FADS2: variants seen among roughly 807,000 people sequenced by gnomAD.
FADS2 encodes the protein acyl-CoA 6-desaturase.
Under a neutral mutation model 61.2 loss-of-function variants are expected in FADS2, and 18 were observed. The observed-to-expected ratio is 0.29, with a 90% CI of 0.20 to 0.44. The LOEUF (loss-of-function observed/expected upper bound fraction) is 0.44, where lower values mean the gene tolerates loss of function less well. Among genes scored for constraint, FADS2 ranks in the 20% least tolerant of loss-of-function variants. The pLI, the probability that FADS2 is intolerant of heterozygous loss-of-function variation, is 1.00. For missense variants in FADS2, 322 were observed against 572.7 expected, an observed-to-expected ratio of 0.56 and a Z score of 4.47; for synonymous variants, 203 against 223.9, an observed-to-expected ratio of 0.91 and a Z score of 0.83.
chr11:61,842,881 G>A (rs2067227875), intron 4 of FADS2, among the ~76,000 whole-genome samples: 2 of 152,228 alleles, frequency 1.3e-5, no homozygotes, highest in Admixed American at 6.5e-5. Flanking sequence ...GTCCTCAAGG[G>A]CCTCGCCAAC....
In FADS2 at chr11:61,865,369, G is replaced by A. The variant is rs2067459441; in HGVS notation, c.1283+92G>A. On this transcript the variant is annotated intron_variant, in intron 11 of 11. Coordinates refer to ENST00000278840, the MANE Select transcript of FADS2 (RefSeq NM_004265.4). This position sits in a 1 kb window ranked among gnomAD's most constrained non-coding sequence, Gnocchi z 4.1. ...AGAGGGGCTGGGCCCTCCTGGCACA[G>A]TCACCCACCAGGGCACCTGCCTTAC... 5 of 1,483,892 alleles carry A rather than the reference G, an allele frequency of 3.4e-6. No homozygotes were observed. Among genetic ancestry groups the A allele is most frequent in the Middle Eastern group, 2.4e-4 (1 of 4,108 alleles). 91.9% of individuals were successfully genotyped at this position (1,483,892 alleles called of 1,614,324 possible).
Position 61,840,366 on chromosome 11 carries a change from G to A in FADS2, c.351G>A (p.Arg117=). The A allele has an allele frequency of 1.2e-6, 2 of 1,614,220 alleles. No homozygotes were observed. Among genetic ancestry groups the A allele is most frequent in the Non-Finnish European group, 1.7e-6 (2 of 1,180,038 alleles). The change falls in exon 3 of 12, where the codon AGG becomes AGA. Residue 117 remains arginine, a synonymous_variant. Coordinates refer to ENST00000278840, the MANE Select transcript of FADS2 (RefSeq NM_004265.4). Reference sequence around the variant, plus strand: ...TCACTGAGGACTTCCGGGCCCTGAGGAAGACGGCTGAGGACATGAACCTGT... The same window carrying A: ...TCACTGAGGACTTCCGGGCCCTGAGAAAGACGGCTGAGGACATGAACCTGT... ...SKITEDFRAL[R]KTAEDMNLFK...
chr11:61,836,900 G>T (rs1254936829), intron 1 of FADS2, among the ~76,000 whole-genome samples: 2 of 152,210 alleles, frequency 1.3e-5, no homozygotes, highest in Non-Finnish European at 2.9e-5. Flanking sequence ...CCTCAGGGGA[G>T]CCTGGTGCTG....
At position 61,865,546 on chromosome 11, in the gene FADS2, A is replaced by G; in HGVS notation, c.1284-92A>G. The G allele has an allele frequency of 2.4e-6, 3 of 1,229,348 alleles. No individual in the cohort carries two copies. The South Asian group carries it at 3.8e-5, about 16-fold the overall frequency. 76.2% of individuals were successfully genotyped at this position (1,229,348 alleles called of 1,614,324 possible). ...CCTGGTTAGGGCCAAGGGGACATAC[A>G]TGCCACCTTAATGATGGCCTCCTCA... is the stretch of plus-strand genomic sequence containing the variant. On this transcript the variant is annotated intron_variant, in intron 11 of 11. Transcript: ENST00000278840. The surrounding 1 kb of genome is among the most constrained non-coding windows in gnomAD (Gnocchi z 4.1).
chr11:61,818,165 A>G (rs1440608593), intron 1 of FADS2, among the ~76,000 whole-genome samples: 1 of 152,224 alleles, frequency 6.6e-6, no homozygotes, highest in East Asian at 1.9e-4. Context: ...AGAATAGACT[A>G]GGTGAAATAT....
At chr11:61,850,879 G>A (rs1218145894) in intron 5 of FADS2, among the ~76,000 whole-genome samples, 5 of 152,116 alleles carry the variant, frequency 3.3e-5, no homozygotes, top group Non-Finnish European at 4.4e-5. Flanking sequence ...CTAAGGCTTG[G>A]AACAAGGCGA....
upstream of FADS2, among the ~76,000 whole-genome samples, chr11:61,825,105 C>T (rs560647791): frequency 6.6e-6 from 1 of 152,260 alleles, no homozygotes; most frequent in South Asian, 2.1e-4. Flanking sequence ...GCATAAGCCA[C>T]TGCTCCCAGC....
chr11:61,820,388 T>G (rs1017756418), intron 1 of FADS2, among the ~76,000 whole-genome samples: 2 of 152,118 alleles, frequency 1.3e-5, no homozygotes, highest in Non-Finnish European at 2.9e-5. Flanking sequence ...GTAGGATAGA[T>G]GCAAATTAAA....
intron 1 of FADS2, among the ~76,000 whole-genome samples, chr11:61,835,949 G>A (rs1466787298): frequency 6.6e-6 from 1 of 152,154 alleles, no homozygotes; most frequent in Non-Finnish European, 1.5e-5. Context: ...TCACATTTAA[G>A]AAAATTAATA....
intron 5 of FADS2, among the ~76,000 whole-genome samples, chr11:61,850,829 G>A (rs1300183937): frequency 6.6e-6 from 1 of 152,140 alleles, no homozygotes; most frequent in African/African-American, 2.4e-5. Context: ...ACTAAGGAGT[G>A]GCACCGTGAG....
chr11:61,849,218 C>T (rs2067286462), intron 5 of FADS2, among the ~76,000 whole-genome samples: 1 of 152,162 alleles, frequency 6.6e-6, no homozygotes, highest in Admixed American at 6.5e-5. Flanking sequence ...AATTTAGTGG[C>T]CAGTCTAGGG....
Position 61,864,626 on chromosome 11 carries a change from C to A in FADS2, c.1158-526C>A, listed in dbSNP as rs192778396. Among the ~76,000 whole-genome samples, 43 of 152,228 alleles carry A rather than the reference C, an allele frequency of 2.8e-4. No individual in the cohort carries two copies. The East Asian group carries it at 7.5e-3, about 27-fold the overall frequency. Reference sequence around the variant, plus strand: ...GCCAGGCTGGTCTCAAACTCCTAGCCTCAAGTGATCCACCTGCGTTGGCCT... The same window carrying A: ...GCCAGGCTGGTCTCAAACTCCTAGCATCAAGTGATCCACCTGCGTTGGCCT... On this transcript the variant is annotated intron_variant, in intron 10 of 11. Transcript: ENST00000278840.
In FADS2 at chr11:61,863,371, G is replaced by C. The variant is rs1469789397; in HGVS notation, c.1070G>C (p.Ser357Thr). Reference protein sequence around the residue: ...IDQEAYRDWFSSQLTATCNVE... With the variant: ...IDQEAYRDWFTSQLTATCNVE... Reference sequence around the variant, plus strand: ...CAGGAGGCCTACCGTGACTGGTTCAGTAGCCAGGTAGGGAAGTCAGGGCCG... The same window carrying C: ...CAGGAGGCCTACCGTGACTGGTTCACTAGCCAGGTAGGGAAGTCAGGGCCG... The change falls in exon 9 of 12, where the codon AGT becomes ACT. Residue 357 changes from serine to threonine, a missense_variant. Ser to Thr is a moderately conservative substitution (Grantham distance 58, BLOSUM62 1). This residue lies in a region of FADS2 where 221 missense variants were observed against 427.9 expected (regional missense o/e 0.52). Transcript: ENST00000278840. The C allele has an allele frequency of 6.2e-7, 1 of 1,611,386 alleles. No homozygotes were observed. The highest frequency in any genetic ancestry group is 2.2e-5 in the East Asian group (1 of 44,896).
upstream of FADS2, chr11:61,826,285 C>T (rs1210421641): frequency 2.8e-6 from 2 of 702,358 alleles, no homozygotes; most frequent in African/African-American, 3.5e-5. Flanking sequence ...TTTTTCAGGA[C>T]CTACCCTGGC....
At chr11:61,825,178 G>A (rs913345886), upstream of FADS2, among the ~76,000 whole-genome samples, 1 of 152,146 alleles carries the variant, frequency 6.6e-6, no homozygotes, top group Non-Finnish European at 1.5e-5. Context: ...TACTAACTCT[G>A]TTCCCTCATC....
chr11:61,863,107 C>A, intron 8 of FADS2, 38 bp downstream of exon 8: 1 of 1,566,602 alleles, frequency 6.4e-7, no homozygotes, highest in Non-Finnish European at 8.8e-7. Flanking sequence ...GGGCCCTCCA[C>A]TGGCACTGAT....
intron 1 of FADS2, among the ~76,000 whole-genome samples, chr11:61,834,743 G>A (rs1008928656): frequency 6.6e-6 from 1 of 152,074 alleles, no homozygotes; most frequent in East Asian, 1.9e-4. Flanking sequence ...GGGACTTCCT[G>A]TTCATTTCTC....
At chr11:61,856,952 A>G in intron 5 of FADS2, 59 bp from the exon 6 acceptor site, 1 of 1,370,122 alleles carries the variant, frequency 7.3e-7, no homozygotes. Context: ...TGGGTTGGGG[A>G]ACATGGGAGG....
At chr11:61,825,765 C>A (rs762986980), upstream of FADS2, among the ~76,000 whole-genome samples, 1 of 147,422 alleles carries the variant, frequency 6.8e-6, no homozygotes, top group Non-Finnish European at 1.5e-5. Context: ...TGGTGGCAGG[C>A]GCCTGTAGTC....
Sources: allele counts gnomAD v4.1 joint callset (sites outside exome capture counted in the v4.1 genomes callset), GRCh38; gene constraint gnomAD v4.1.1; regional missense constraint gnomAD v4.1.1; non-coding constraint Gnocchi (gnomAD v3.1); transcripts MANE v1.5; gene names NCBI Gene and HGNC (gene_info 2026-07-23, HGNC 2026-07-21).